Variants in RORA observed in about 807,000 individuals in gnomAD.
RORA encodes RAR related orphan receptor A, also known as nuclear receptor ROR-alpha.
A neutral mutation model predicts 69.5 loss-of-function variants in RORA; 7 were observed. The observed-to-expected ratio is 0.10, with a 90% confidence interval of 0.06 to 0.19. The LOEUF is 0.19. Ranked by LOEUF, RORA falls within the 10% of genes least tolerant of loss-of-function variation. The pLI, the probability that RORA is intolerant of heterozygous loss-of-function variation, is 1.00. For synonymous variants in RORA, 261 were observed against 240.8 expected (o/e 1.08, Z -0.78); for missense variants, 457 against 663.0 (o/e 0.69, Z 3.41).
rs552900435 is a variant in RORA at position 60,558,632 on chromosome 15, T to C, written c.197-26781A>G. ...GGACTTCATTAGTAATGTTCAACTT[T>C]TCATAAAGATGGTGAATACCACCTT... On this transcript the variant is annotated intron_variant, in intron 2 of 10. Coordinates refer to ENST00000335670, the MANE Select transcript of RORA (RefSeq NM_134261.3). 7.2e-5 allele frequency among the ~76,000 whole-genome samples: 11 copies of C among 152,368 alleles called. 1 individual carries two copies. The South Asian group carries it at 2.3e-3, about 32-fold the overall frequency.
chr15:61,174,489 T>C (rs1484233193), intron 1 of RORA, among the ~76,000 whole-genome samples: 1 of 152,208 alleles, frequency 6.6e-6, no homozygotes, highest in Non-Finnish European at 1.5e-5. Flanking sequence ...TCACGCAGCT[T>C]ATGCCACTGG....
At chr15:61,029,945 G>C (rs544291470) in intron 1 of RORA, among the ~76,000 whole-genome samples, 14 of 152,262 alleles carry the variant, frequency 9.2e-5, no homozygotes, top group African/African-American at 3.4e-4. Flanking sequence ...ACAAGTGGAG[G>C]CATAAGTACG....
intron 2 of RORA, among the ~76,000 whole-genome samples, chr15:60,649,120 C>CT (rs1438450352): frequency 6.6e-6 from 1 of 152,200 alleles, no homozygotes; most frequent in African/African-American, 2.4e-5. Context: ...TAGCCCGTCA[C>CT]TTTTGTGGCT....
intron 1 of RORA, among the ~76,000 whole-genome samples, chr15:61,007,902 C>A (rs1015517231): frequency 2.7e-5 from 4 of 148,310 alleles, no homozygotes; most frequent in Non-Finnish European, 6.0e-5. Context: ...TAGAAATTAT[C>A]CTAATAGAAA....
In RORA at chr15:60,924,327, T is replaced by A. The variant is rs1353613203; in HGVS notation, c.167-245641A>T. Among the ~76,000 whole-genome samples the A allele has an allele frequency of 1.0e-4, 5 of 49,244 alleles. 1 individual carries two copies. In the East Asian group the frequency reaches 1.7e-3, roughly 17 times the overall value. 32.3% of individuals were successfully genotyped at this position (49,244 alleles called of 152,430 possible). A position where few individuals can be genotyped will look rare whatever the true frequency, so the allele number is the denominator to read the frequency against. ...CACACAACTGAGAGGAGTACTCTTC[T>A]ACTTTTAAGAAATGTTCTTATTGTA... is the stretch of plus-strand genomic sequence containing the variant. On this transcript the variant is annotated intron_variant, in intron 1 of 10. Transcript: ENST00000335670.
chr15:61,076,793 G>A (rs750679716), intron 1 of RORA, among the ~76,000 whole-genome samples: 1 of 152,206 alleles, frequency 6.6e-6, no homozygotes, highest in Non-Finnish European at 1.5e-5. Context: ...CAGCAGGCAT[G>A]GCTGCAGCAG....
chr15:60,877,347 T>C (rs1000999315), intron 1 of RORA, among the ~76,000 whole-genome samples: 1 of 152,160 alleles, frequency 6.6e-6, no homozygotes, highest in African/African-American at 2.4e-5. Context: ...TACCTCTCTC[T>C]CCCCAGGACT....
intron 1 of RORA, among the ~76,000 whole-genome samples, chr15:60,816,816 G>A (rs2072824108): frequency 6.6e-6 from 1 of 151,872 alleles, no homozygotes; most frequent in Non-Finnish European, 1.5e-5. Context: ...CTGTTATTAG[G>A]TGCTATATGT....
chr15:60,917,977 C>T (rs889309581), intron 1 of RORA, among the ~76,000 whole-genome samples: 1 of 152,230 alleles, frequency 6.6e-6, no homozygotes, highest in Non-Finnish European at 1.5e-5. Flanking sequence ...GCTGGGCTTT[C>T]TTCCCATTCT....
In RORA at chr15:60,511,248, T is replaced by G. The variant is rs2065687665; in HGVS notation, c.798A>C (p.Pro266=). The G allele has an allele frequency of 6.2e-7, 1 of 1,613,494 alleles. No individual in the cohort carries two copies. Residue 266 remains proline (P), a synonymous_variant, in exon 5 of 11, where the codon CCA becomes CCC. Transcript: ENST00000335670. The surrounding 1 kb of genome is among the most constrained non-coding windows in gnomAD (Gnocchi z 6.4). The stretch of plus-strand genomic sequence containing the variant: ...TACCTAATTCTGCCATGGACACAGT[T>G]GGGGAAGTCTCGCCGTTGGTGAACG... ...YCSFTNGETS[P]TVSMAELEHL...
chr15:60,505,503 C>T lies in RORA; in HGVS notation c.942+5G>A, dbSNP rs2141286121. 1 of 1,613,736 alleles carries T rather than the reference C, an allele frequency of 6.2e-7. No homozygotes were observed. The highest frequency in any genetic ancestry group is 2.2e-5 in the East Asian group (1 of 44,846). On this transcript the variant is annotated splice_donor_5th_base_variant and intron_variant, in intron 6 of 10. Coordinates refer to ENST00000335670, the MANE Select transcript of RORA (RefSeq NM_134261.3). ...TCCTAGGAGGAAAAATTCCTCAGAT[C>T]ATACCTTGTTTTGATAGTTCTCAAT...
intron 2 of RORA, among the ~76,000 whole-genome samples, chr15:60,620,830 G>C (rs951526421): frequency 2.0e-5 from 3 of 152,264 alleles, no homozygotes; most frequent in African/African-American, 7.2e-5. Flanking sequence ...GGCTGCTGGG[G>C]AGAGGGGGAC....
chr15:60,816,611 A>T (rs1016987794), intron 1 of RORA, among the ~76,000 whole-genome samples: 4 of 148,542 alleles, frequency 2.7e-5, no homozygotes, highest in Non-Finnish European at 4.5e-5. Flanking sequence ...TATATACTGT[A>T]AACAGTATAT....
At chr15:60,652,718 C>CCCATTT (rs2070162859) in intron 2 of RORA, among the ~76,000 whole-genome samples, 1 of 152,168 alleles carries the variant, frequency 6.6e-6, no homozygotes, top group African/African-American at 2.4e-5. Flanking sequence ...GGTAGAGAAT[C>CCCATTT]CCATTTCCAT....
rs1208250793 is a variant in RORA, at chr15:60,493,211, A to G, written c.*4244T>C. The stretch of plus-strand genomic sequence containing the variant: ...ATGATTTAAACAATCAATGTTGGAA[A>G]CAGTGGCTTTAGGATTATTATCTGG... On this transcript the variant is annotated 3_prime_UTR_variant, in exon 11 of 11. Transcript: ENST00000335670. The G allele has an allele frequency of 6.6e-6, 1 of 152,178 alleles. No individual in the cohort carries two copies. The highest frequency in any genetic ancestry group is 1.5e-5 in the Non-Finnish European group (1 of 68,026). 9.4% of individuals were successfully genotyped at this position (152,178 alleles called of 1,614,324 possible). A position where few individuals can be genotyped will look rare whatever the true frequency, so the allele number is the denominator to read the frequency against.
chr15:61,049,827 T>C (rs1897216289), intron 1 of RORA, among the ~76,000 whole-genome samples: 1 of 152,076 alleles, frequency 6.6e-6, no homozygotes, highest in Admixed American at 6.5e-5. Context: ...ACCCGGCTAA[T>C]TTTTCATATT....
At position 60,854,132 on chromosome 15, in the gene RORA, C is replaced by T. The variant is rs569761883; in HGVS notation, c.167-175446G>A. Among the ~76,000 whole-genome samples the T allele has an allele frequency of 3.9e-5, 6 of 152,076 alleles. No individual in the cohort carries two copies. In the South Asian group the frequency reaches 6.3e-4, roughly 16 times the overall value. On this transcript the variant is annotated intron_variant, in intron 1 of 10. Coordinates refer to ENST00000335670, the MANE Select transcript of RORA (RefSeq NM_134261.3). The stretch of plus-strand genomic sequence containing the variant: ...CAAAAATTAGCTGGGCATGGTGGTG[C>T]GCATCTGTAGGCCCAGCTACTTGGG...
At chr15:60,725,409 C>T (rs1040989045) in intron 1 of RORA, among the ~76,000 whole-genome samples, 7 of 152,108 alleles carry the variant, frequency 4.6e-5, no homozygotes, top group African/African-American at 1.7e-4. Context: ...TTCTATCGCC[C>T]ATGGAAAAAT....
At chr15:60,997,007 T>C (rs4265751) in intron 1 of RORA, among the ~76,000 whole-genome samples, 2 of 151,744 alleles carry the variant, frequency 1.3e-5, no homozygotes, top group Non-Finnish European at 2.9e-5. Flanking sequence ...GGGTCAAAAA[T>C]TTTTTTATGG....
Sources: gnomAD v4.1 joint callset for allele counts (sites outside exome capture counted in the v4.1 genomes callset) on GRCh38, gnomAD v4.1.1 for gene constraint, Gnocchi (gnomAD v3.1) non-coding constraint, MANE v1.5 for transcripts, NCBI Gene and HGNC (gene_info 2026-07-23, HGNC 2026-07-21) for gene names.